Variants in TIMM44 observed in about 807,000 individuals in gnomAD.
The protein encoded by TIMM44 is translocase of inner mitochondrial membrane 44, also known as mitochondrial import inner membrane translocase subunit TIM44.
In TIMM44, 37 loss-of-function variants were observed where a neutral mutation model predicts 63.8. The ratio of observed to expected loss-of-function variants is 0.58; its 90% CI spans 0.45 to 0.76. The LOEUF is 0.76. Ranked by LOEUF, TIMM44 falls within the 30% of genes least tolerant of loss-of-function variation. The pLI, the probability that TIMM44 is intolerant of heterozygous loss-of-function variation, is 0.00. For synonymous variants in TIMM44, 239 were observed against 245.1 expected (o/e 0.98, Z 0.23); for missense variants, 573 against 603.8 (o/e 0.95, Z 0.54).
chr19:7,931,665 T>G, intron 9 of TIMM44: 1 of 180,706 alleles, frequency 5.5e-6, no homozygotes, highest in South Asian at 1.1e-4. Context: ...AGGGGTGGGC[T>G]GCAGGGGGCG....
At chr19:7,940,705 C>G (rs145069925) in intron 2 of TIMM44, among the ~76,000 whole-genome samples, 57 of 152,148 alleles carry the variant, frequency 3.7e-4, no homozygotes, top group African/African-American at 1.4e-3. Flanking sequence ...AAACTGAGGT[C>G]TGGTTGTGAC....
chr19:7,929,904 A>G (rs1268242152), intron 10 of TIMM44, among the ~76,000 whole-genome samples: 4 of 149,904 alleles, frequency 2.7e-5, no homozygotes, highest in African/African-American at 9.9e-5. Flanking sequence ...GCTGGAGTGC[A>G]GTGGTGCAAT....
At chr19:7,937,404 T>C (rs1984186387) in intron 3 of TIMM44, among the ~76,000 whole-genome samples, 1 of 152,240 alleles carries the variant, frequency 6.6e-6, no homozygotes, top group African/African-American at 2.4e-5. Context: ...CCTGGGGGCC[T>C]GTGAAGATGC....
intron 9 of TIMM44, chr19:7,931,621 G>C (rs534603540): frequency 1.5e-5 from 3 of 205,644 alleles, no homozygotes; most frequent in Non-Finnish European, 3.0e-5. Context: ...CCATGGGACC[G>C]GCTGCCTCCT....
chr19:7,927,837 C>A, intron 11 of TIMM44, 70 bp from the exon 12 acceptor site: 1 of 1,499,462 alleles, frequency 6.7e-7, no homozygotes. Flanking sequence ...GGTGAAACCC[C>A]TGCGCCTAGG....
chr19:7,943,629 C>T lies in TIMM44; in HGVS notation c.23G>A (p.Ser8Asn), dbSNP rs879936066. 1 of 1,570,704 alleles carries T rather than the reference C, an allele frequency of 6.4e-7. No homozygotes were observed. The highest frequency in any genetic ancestry group is 8.6e-7 in the Non-Finnish European group (1 of 1,165,290). ...CACCCGTGGACAGCGGCACCAGCCA[C>T]TCCGCAGGGCCGCCGCCGCCATGTT... Reference protein sequence around the residue: MAAAALRSGWCRCPRRCL... With the variant: MAAAALRNGWCRCPRRCL... Residue 8 changes from serine to asparagine, a missense_variant, in exon 1 of 13, where the codon AGT becomes AAT. Physicochemically the swap from Ser to Asn is conservative, Grantham distance 46. Coordinates refer to ENST00000270538, the MANE Select transcript of TIMM44 (RefSeq NM_006351.4). This position sits in a 1 kb window ranked among gnomAD's most constrained non-coding sequence, Gnocchi z 4.3.
In TIMM44 at chr19:7,928,061, A is replaced by G; in HGVS notation, c.1128+16T>C. The stretch of plus-strand genomic sequence containing the variant: ...ACCCCCGATGGTGGCCCGGGCCCCC[A>G]CTGCGAGGTGCTTACGTCGACGTTG... On this transcript the variant is annotated intron_variant, in intron 11 of 12. Coordinates refer to ENST00000270538, the MANE Select transcript of TIMM44 (RefSeq NM_006351.4). 6.2e-7 allele frequency: 1 copy of G among 1,610,700 alleles called. No individual in the cohort carries two copies. Among genetic ancestry groups the G allele is most frequent in the Non-Finnish European group, 8.5e-7 (1 of 1,177,704 alleles).
chr19:7,943,508 C>T lies in TIMM44; in HGVS notation c.45+99G>A. On this transcript the variant is annotated intron_variant, in intron 1 of 12. Coordinates refer to ENST00000270538, the MANE Select transcript of TIMM44 (RefSeq NM_006351.4). This position sits in a 1 kb window ranked among gnomAD's most constrained non-coding sequence, Gnocchi z 4.3. The stretch of plus-strand genomic sequence containing the variant: ...CCCCAAGCTTTCTAAGGAGCCCAAG[C>T]AAGGGTCGCGAAGGCCAAGGGTCTG... 1.5e-6 allele frequency: 2 copies of T among 1,379,084 alleles called. No individual in the cohort carries two copies. The highest frequency in any genetic ancestry group is 2.0e-6 in the Non-Finnish European group (2 of 1,003,788). 85.4% of individuals were successfully genotyped at this position (1,379,084 alleles called of 1,614,324 possible).
At chr19:7,931,383 G>A in intron 9 of TIMM44, 195 bp from the exon 10 acceptor site, 1 of 634,680 alleles carries the variant, frequency 1.6e-6, no homozygotes, top group East Asian at 2.8e-5. Flanking sequence ...TCAGTGCCTG[G>A]CTCTGGCCTA....
Position 7,927,111 on chromosome 19 carries a change from G to A in TIMM44, c.*76C>T. On this transcript the variant is annotated 3_prime_UTR_variant, in exon 13 of 13. Transcript: ENST00000270538. ...CCGCAGTCTTGTTCCCAGAGGTCTG[G>A]AGTTGCCGCAGGTGGTGTTGCGGTG... The A allele has an allele frequency of 6.5e-7, 1 of 1,538,622 alleles. No homozygotes were observed. Among genetic ancestry groups the A allele is most frequent in the Non-Finnish European group, 8.7e-7 (1 of 1,146,520 alleles).
At position 7,933,885 on chromosome 19, in the gene TIMM44, T is replaced by TC; in HGVS notation, c.661dup (p.Glu221GlyfsTer5). The TC allele has an allele frequency of 1.9e-6, 3 of 1,614,118 alleles. No individual in the cohort carries two copies. Among genetic ancestry groups the TC allele is most frequent in the Non-Finnish European group, 2.5e-6 (3 of 1,180,010 alleles). On this transcript the variant is annotated frameshift_variant, in exon 6 of 13. Transcript: ENST00000270538. LOFTEE classifies it high-confidence loss of function. This position sits in a 1 kb window ranked among gnomAD's most constrained non-coding sequence, Gnocchi z 4.3. ...CTACTCGTTTGGCTCAAACACTTTC[T>TC]CCTCCTTGAACTTATCTCCCGCAAA...
At position 7,927,267 on chromosome 19, in the gene TIMM44, G is replaced by T; in HGVS notation, c.1279C>A (p.Arg427=). The T allele has an allele frequency of 6.2e-7, 1 of 1,612,154 alleles. No homozygotes were observed. The highest frequency in any genetic ancestry group is 1.1e-5 in the South Asian group (1 of 91,030). ...LRMLYVWALC[R]DQDELNPYAA... Reference sequence around the variant, plus strand: ...TAGGGGTTGAGCTCGTCCTGGTCTCGGCAGAGCGCCCACACGTACAGCATC... The same window carrying T: ...TAGGGGTTGAGCTCGTCCTGGTCTCTGCAGAGCGCCCACACGTACAGCATC... Residue 427 remains arginine (R), a synonymous_variant, in exon 13 of 13, where the codon CGA becomes AGA. Coordinates refer to ENST00000270538, the MANE Select transcript of TIMM44 (RefSeq NM_006351.4).
At chr19:7,930,565 C>T (rs1011334789) in intron 10 of TIMM44, among the ~76,000 whole-genome samples, 1 of 152,124 alleles carries the variant, frequency 6.6e-6, no homozygotes, top group Non-Finnish European at 1.5e-5. Context: ...CTTGGCATCC[C>T]AAAGTGCTGG....
Position 7,927,144 on chromosome 19 carries a change from G to A in TIMM44, c.*43C>T. On this transcript the variant is annotated 3_prime_UTR_variant, in exon 13 of 13. Coordinates refer to ENST00000270538, the MANE Select transcript of TIMM44 (RefSeq NM_006351.4). ...GCAGGTGGTGTTGCGGTGCCTCTGT[G>A]CCTGATGACCCAGGCCGGGGCTACC... is the stretch of plus-strand genomic sequence containing the variant. The A allele has an allele frequency of 6.3e-7, 1 of 1,580,380 alleles. No homozygotes were observed. The highest frequency in any genetic ancestry group is 8.5e-7 in the Non-Finnish European group (1 of 1,169,648).
At position 7,933,312 on chromosome 19, in the gene TIMM44, CA is replaced by C. The variant is rs1984041132; in HGVS notation, c.769+172del. ...TGAGGGAGCACCTGGCTTCTGGCGG[CA>C]GAATCTACAGCCCCACCATCATGTG... is the stretch of plus-strand genomic sequence containing the variant. On this transcript the variant is annotated intron_variant, in intron 7 of 12. Transcript: ENST00000270538. The surrounding 1 kb of genome is among the most constrained non-coding windows in gnomAD (Gnocchi z 4.3). Among the ~76,000 whole-genome samples the C allele has an allele frequency of 6.6e-6, 1 of 152,154 alleles. No homozygotes were observed. The highest frequency in any genetic ancestry group is 6.5e-5 in the Admixed American group (1 of 15,286).
At chr19:7,942,340 G>A (rs1402725150) in intron 1 of TIMM44, among the ~76,000 whole-genome samples, 2 of 151,902 alleles carry the variant, frequency 1.3e-5, no homozygotes, top group South Asian at 2.1e-4. Context: ...CTGTAATCCC[G>A]ATACTTTGGG....
Position 7,932,824 on chromosome 19 carries a change from G to C in TIMM44, c.862+16C>G. ...CCCCACCACCAGCCTGCGAGGTCCA[G>C]GGATGACTCACTCACCCAGCAAGTC... On this transcript the variant is annotated intron_variant, in intron 8 of 12. Transcript: ENST00000270538. 1 of 1,614,170 alleles carries C rather than the reference G, an allele frequency of 6.2e-7. No individual in the cohort carries two copies. The highest frequency in any genetic ancestry group is 1.1e-5 in the South Asian group (1 of 91,088).
chr19:7,936,601 C>G (rs1470925862), intron 3 of TIMM44, among the ~76,000 whole-genome samples: 1 of 152,240 alleles, frequency 6.6e-6, no homozygotes, highest in Non-Finnish European at 1.5e-5. Context: ...TCGCAGGGCC[C>G]TTACAAATAA....
chr19:7,932,674 G>C lies in TIMM44; in HGVS notation c.940C>G (p.Arg314Gly). ...TCGTTCTCGCACTGTTTCAGAAACC[G>C]GTCCTTGTCAAAGGCCGGGTCCACC... Reference protein sequence around the residue: ...LRVDPAFDKDRFLKQCENDII... With the variant: ...LRVDPAFDKDGFLKQCENDII... Residue 314 changes from arginine to glycine, a missense_variant, in exon 9 of 13, where the codon CGG (arginine) becomes GGG (glycine). Coordinates refer to ENST00000270538, the MANE Select transcript of TIMM44 (RefSeq NM_006351.4). 1.2e-6 allele frequency: 2 copies of C among 1,614,112 alleles called. No individual in the cohort carries two copies. The highest frequency in any genetic ancestry group is 1.1e-5 in the South Asian group (1 of 91,088).
Sources: allele counts gnomAD v4.1 joint callset (sites outside exome capture counted in the v4.1 genomes callset), GRCh38; gene constraint gnomAD v4.1.1; non-coding constraint Gnocchi (gnomAD v3.1); transcripts MANE v1.5; gene names NCBI Gene and HGNC (gene_info 2026-07-23, HGNC 2026-07-21).